ARHGAP15: variants seen among roughly 807,000 people sequenced by gnomAD.
ARHGAP15 encodes rho GTPase-activating protein 15.
A neutral mutation model predicts 63.7 loss-of-function variants in ARHGAP15; 51 were observed. The ratio of observed to expected loss-of-function variants is 0.80; its 90% CI spans 0.64 to 1.01. The LOEUF (loss-of-function observed/expected upper bound fraction) is 1.01, where lower values mean the gene tolerates loss of function less well. ARHGAP15 is among the 50% of genes least tolerant of loss of function. ARHGAP15 has a pLI of 0.00. For missense variants in ARHGAP15, 560 were observed against 564.6 expected (o/e 0.99, Z 0.08); for synonymous variants, 191 against 193.8 (o/e 0.99, Z 0.12).
At chr2:143,714,075 C>T (rs534179129) in intron 13 of ARHGAP15, among the ~76,000 whole-genome samples, 126 of 152,300 alleles carry the variant, frequency 8.3e-4, no homozygotes, top group Admixed American at 4.5e-3. Context: ...ATTTCCCTTC[C>T]GCAATGCCCT....
At chr2:143,588,659 A>C (rs909933152) in intron 11 of ARHGAP15, among the ~76,000 whole-genome samples, 1 of 152,138 alleles carries the variant, frequency 6.6e-6, no homozygotes, top group Non-Finnish European at 1.5e-5. Context: ...AAAGAACGTG[A>C]TCTCATTCCT....
chr2:143,501,082 A>G (rs12996951), intron 9 of ARHGAP15, among the ~76,000 whole-genome samples: 40,283 of 152,100 alleles, frequency 0.26, 6,130 homozygotes, highest in East Asian at 0.71. Flanking sequence ...ACCTCACAGT[A>G]AAGGAATCTT....
At chr2:143,361,683 T>TA (rs560359513) in intron 6 of ARHGAP15, among the ~76,000 whole-genome samples, 38 of 149,036 alleles carry the variant, frequency 2.5e-4, no homozygotes, top group East Asian at 1.6e-3. Context: ...CTTTGGGATT[T>TA]AAAAAAAAAA....
chr2:143,661,030 A>G (rs1186590532), intron 12 of ARHGAP15, among the ~76,000 whole-genome samples: 1 of 152,154 alleles, frequency 6.6e-6, no homozygotes, highest in Non-Finnish European at 1.5e-5. Flanking sequence ...CAGTTTCTAG[A>G]GGCCTCCCAC....
intron 8 of ARHGAP15, among the ~76,000 whole-genome samples, chr2:143,444,293 C>G (rs1251436170): frequency 6.6e-6 from 1 of 151,582 alleles, no homozygotes; most frequent in Admixed American, 6.6e-5. Context: ...TGATTGTAAA[C>G]AAAAGAAAAA....
At chr2:143,745,469 A>G (rs539544689) in intron 13 of ARHGAP15, among the ~76,000 whole-genome samples, 8 of 152,326 alleles carry the variant, frequency 5.3e-5, no homozygotes, top group Non-Finnish European at 8.8e-5. Context: ...AACTCAGACT[A>G]TAGACACACC....
chr2:143,236,014 GT>G, intron 5 of ARHGAP15: 1 of 1,536,612 alleles, frequency 6.5e-7, no homozygotes, highest in Non-Finnish European at 8.8e-7. Flanking sequence ...TCCATTTTTG[GT>G]TAAACAAAAC....
chr2:143,273,624 C>G (rs1024617405), intron 6 of ARHGAP15, among the ~76,000 whole-genome samples: 9 of 152,012 alleles, frequency 5.9e-5, no homozygotes, highest in African/African-American at 2.2e-4. Context: ...GTCCTTATGC[C>G]ATATGTTGCA....
At chr2:143,643,766 C>T (rs1251300818) in intron 12 of ARHGAP15, among the ~76,000 whole-genome samples, 1 of 151,780 alleles carries the variant, frequency 6.6e-6, no homozygotes, top group Non-Finnish European at 1.5e-5. Context: ...AGAAAAGTTG[C>T]AATGATTTAA....
intron 6 of ARHGAP15, among the ~76,000 whole-genome samples, chr2:143,400,365 G>A (rs1206068450): frequency 6.6e-6 from 1 of 151,736 alleles, no homozygotes; most frequent in East Asian, 1.9e-4. Flanking sequence ...TTGTAAATAG[G>A]GTAAAATTCA....
At chr2:143,318,890 T>G (rs1214538268) in intron 6 of ARHGAP15, among the ~76,000 whole-genome samples, 1 of 152,156 alleles carries the variant, frequency 6.6e-6, no homozygotes, top group Non-Finnish European at 1.5e-5. Context: ...AACTAAATAA[T>G]GACTTTTTAA....
chr2:143,761,370 T>G (rs577721218), intron 13 of ARHGAP15, among the ~76,000 whole-genome samples: 1 of 152,322 alleles, frequency 6.6e-6, no homozygotes, highest in African/African-American at 2.4e-5. Flanking sequence ...TAAAGTTATG[T>G]GTGTTGGAAA....
At chr2:143,671,247 A>ATTAG (rs1682510089) in intron 12 of ARHGAP15, among the ~76,000 whole-genome samples, 1 of 151,976 alleles carries the variant, frequency 6.6e-6, no homozygotes, top group Non-Finnish European at 1.5e-5. Context: ...GGCTTTTTTA[A>ATTAG]TTAGTTTTTT....
intron 9 of ARHGAP15, among the ~76,000 whole-genome samples, chr2:143,518,160 G>A (rs1693902683): frequency 6.6e-6 from 1 of 152,054 alleles, no homozygotes; most frequent in African/African-American, 2.4e-5. Flanking sequence ...TAAAAATGGT[G>A]GAAATGATCA....
chr2:143,589,488 A>G (rs1317482350), intron 11 of ARHGAP15, among the ~76,000 whole-genome samples: 1 of 152,244 alleles, frequency 6.6e-6, no homozygotes, highest in Non-Finnish European at 1.5e-5. Flanking sequence ...TTGTTCTGGT[A>G]AGGAAACTGA....
intron 12 of ARHGAP15, among the ~76,000 whole-genome samples, chr2:143,644,646 T>C (rs1018423715): frequency 1.8e-4 from 27 of 152,062 alleles, no homozygotes; most frequent in African/African-American, 6.3e-4. Flanking sequence ...TTACAGTGAC[T>C]GGAACGTTGA....
chr2:143,599,771 G>A (rs1274118437), intron 11 of ARHGAP15, among the ~76,000 whole-genome samples: 2 of 152,062 alleles, frequency 1.3e-5, no homozygotes, highest in Non-Finnish European at 2.9e-5. Context: ...TTGCTACTGG[G>A]TGACACGGAT....
At chr2:143,353,974 A>G (rs6430024) in intron 6 of ARHGAP15, among the ~76,000 whole-genome samples, 101,609 of 151,712 alleles carry the variant, frequency 0.67, 34,726 homozygotes, top group African/African-American at 0.81. Context: ...TCTACAGAGC[A>G]ATTTTACCTG....
At chr2:143,515,465 G>A (rs527312060) in intron 9 of ARHGAP15, among the ~76,000 whole-genome samples, 76 of 152,130 alleles carry the variant, frequency 5.0e-4, no homozygotes, top group Admixed American at 1.3e-3. Context: ...GCTGTTCTTA[G>A]CACTCATTGT....
Sources: allele counts gnomAD v4.1 joint callset (sites outside exome capture counted in the v4.1 genomes callset), GRCh38; gene constraint gnomAD v4.1.1; transcripts MANE v1.5; gene names NCBI Gene and HGNC (gene_info 2026-07-23, HGNC 2026-07-21).